SVEP1: variants seen among roughly 807,000 people sequenced by gnomAD.
The protein encoded by SVEP1 is sushi, von Willebrand factor type A, EGF and pentraxin domain-containing protein 1.
SVEP1 carries 164 observed loss-of-function variants against 367.3 expected under a neutral mutation model. That is an observed-to-expected ratio of 0.45 (90% CI 0.39 to 0.51). The LOEUF is 0.51. SVEP1 is among the 20% of genes least tolerant of loss of function. The pLI is 0.00. For synonymous variants in SVEP1, 1,666 were observed against 1,611.6 expected (o/e 1.03, Z -0.81); for missense variants, 4,117 against 4,425.3 (o/e 0.93, Z 1.98).
intron 3 of SVEP1, among the ~76,000 whole-genome samples, chr9:110,528,156 G>GTGTGTGTATATA: frequency 0.031 from 1,044 of 33,894 alleles, 51 homozygotes; most frequent in Non-Finnish European, 0.042. Context: ...GTGTGTGTGT[G>GTGTGTGTATATA]TATATATATA....
chr9:110,369,826 T>TCAAACTAGA, intron 47 of SVEP1, 97 bp downstream of exon 47: 2 of 974,158 alleles, frequency 2.1e-6, no homozygotes, highest in South Asian at 3.6e-5. Context: ...ATACTTACAG[T>TCAAACTAGA]CAAACTAGAC....
intron 1 of SVEP1, among the ~76,000 whole-genome samples, chr9:110,554,139 T>C (rs1830325727): frequency 6.6e-6 from 1 of 152,154 alleles, no homozygotes; most frequent in African/African-American, 2.4e-5. Context: ...ATTCTTGGCC[T>C]ACACCACCCG....
intron 40 of SVEP1, among the ~76,000 whole-genome samples, chr9:110,395,868 C>T (rs1404147831): frequency 6.6e-6 from 1 of 152,032 alleles, no homozygotes; most frequent in African/African-American, 2.4e-5. Flanking sequence ...CCTTAGTGAC[C>T]TACAAAGAGA....
chr9:110,466,083 G>A (rs1828933009), intron 17 of SVEP1, 57 bp from the exon 18 acceptor site: 2 of 1,548,842 alleles, frequency 1.3e-6, no homozygotes, highest in Non-Finnish European at 1.8e-6. Flanking sequence ...CATAAAATTA[G>A]TACTGTGCGG....
intron 36 of SVEP1, among the ~76,000 whole-genome samples, chr9:110,426,350 A>C (rs973699371): frequency 6.6e-6 from 1 of 152,350 alleles, no homozygotes; most frequent in South Asian, 2.1e-4. Context: ...AATCATCATA[A>C]TAATGGCTAA....
intron 18 of SVEP1, among the ~76,000 whole-genome samples, chr9:110,462,756 C>T (rs1828877110): frequency 1.3e-5 from 2 of 151,184 alleles, no homozygotes; most frequent in African/African-American, 4.9e-5. Flanking sequence ...TCTAAGTATG[C>T]CAAAATGATA....
At chr9:110,378,553 G>C (rs113428088) in intron 44 of SVEP1, among the ~76,000 whole-genome samples, 3 of 152,242 alleles carry the variant, frequency 2.0e-5, no homozygotes, top group African/African-American at 7.2e-5. Flanking sequence ...TAGGTTGCCT[G>C]TTCACTCTGA....
chr9:110,491,618 C>G (rs192250364), intron 8 of SVEP1, among the ~76,000 whole-genome samples: 3,908 of 97,886 alleles, frequency 0.04, 167 homozygotes, highest in African/African-American at 0.16. Flanking sequence ...TGTGTGTGTG[C>G]AAATTTATCT....
chr9:110,383,529 G>C (rs1333858731), intron 43 of SVEP1, among the ~76,000 whole-genome samples: 3 of 56,784 alleles, frequency 5.3e-5, no homozygotes, highest in Non-Finnish European at 1.1e-4. Flanking sequence ...CCCCTGTTGT[G>C]GGGGGGTCTC....
At position 110,406,111 on chromosome 9, in the gene SVEP1, T is replaced by G. The variant is rs780293574; in HGVS notation, c.9440+49A>C. 5.3e-6 allele frequency: 8 copies of G among 1,503,192 alleles called. No homozygotes were observed. The Admixed American group carries it at 1.9e-4, about 35-fold the overall frequency. 93.1% of individuals were successfully genotyped at this position (1,503,192 alleles called of 1,614,324 possible). The stretch of plus-strand genomic sequence containing the variant: ...AAATTTTTGATCGATCACATTTCAT[T>G]TCATAATCCTGCCCGCACCCCTTGG... On this transcript the variant is annotated intron_variant, in intron 38 of 47. Transcript: ENST00000374469.
At chr9:110,578,274 A>T (rs7855189) in intron 1 of SVEP1, among the ~76,000 whole-genome samples, 42,838 of 152,082 alleles carry the variant, frequency 0.28, 7,256 homozygotes, top group East Asian at 0.57. Context: ...GCTACAAAAC[A>T]GCAAGATATT....
rs376269972 is a variant in SVEP1, at chr9:110,406,787, T to A, written c.8813A>T (p.Asp2938Val). Residue 2938 changes from aspartate (D) to valine (V), a missense_variant, in exon 38 of 48, where the codon GAT becomes GTT. Asp to Val is a radical substitution (Grantham distance 152). Transcript: ENST00000374469. ...KLTCQSDGNW[D>V]AEIPLCKPVN... is the part of the protein sequence containing the mutation. ...TGGTTTACAGAGAGGAATCTCTGCA[T>A]CCCAGTTGCCATCTGACTGACAGGT... The A allele has an allele frequency of 6.2e-7, 1 of 1,614,054 alleles. No individual in the cohort carries two copies. The highest frequency in any genetic ancestry group is 1.1e-5 in the South Asian group (1 of 91,084).
At chr9:110,430,530 A>G in intron 32 of SVEP1, 80 bp from the exon 33 acceptor site, 1 of 1,420,306 alleles carries the variant, frequency 7.0e-7, no homozygotes, top group Non-Finnish European at 9.4e-7. Context: ...GAATTCCACT[A>G]TAGTTAAGAA....
intron 9 of SVEP1, among the ~76,000 whole-genome samples, chr9:110,485,483 C>T (rs922476852): frequency 6.6e-6 from 1 of 152,062 alleles, no homozygotes; most frequent in Admixed American, 6.5e-5. Context: ...TCATGCAGGG[C>T]TCAATACCTA....
chr9:110,474,789 C>T (rs566598789), intron 14 of SVEP1, among the ~76,000 whole-genome samples: 2 of 152,108 alleles, frequency 1.3e-5, no homozygotes, highest in African/African-American at 4.8e-5. Flanking sequence ...AACCCAAAAT[C>T]TACCAATAGG....
Position 110,546,302 on chromosome 9 carries a change from C to A in SVEP1, c.788-11G>T, listed in dbSNP as rs1432003666. 1 of 1,574,992 alleles carries A rather than the reference C, an allele frequency of 6.3e-7. No individual in the cohort carries two copies. The highest frequency in any genetic ancestry group is 8.6e-7 in the Non-Finnish European group (1 of 1,158,694). On this transcript the variant is annotated splice_polypyrimidine_tract_variant and intron_variant, in intron 2 of 47. Transcript: ENST00000374469. Reference sequence around the variant, plus strand: ...TCCCAGAAGGTAGATCTACAAATAACATATGACAGAGGGCGATAAAAATGA... The same window carrying A: ...TCCCAGAAGGTAGATCTACAAATAAAATATGACAGAGGGCGATAAAAATGA...
Position 110,483,598 on chromosome 9 carries a change from A to G in SVEP1, c.2026T>C (p.Ser676Pro), listed in dbSNP as rs1829231851. 6.2e-7 allele frequency: 1 copy of G among 1,611,478 alleles called. No individual in the cohort carries two copies. The highest frequency in any genetic ancestry group is 1.7e-5 in the Admixed American group (1 of 59,594). The change falls in exon 10 of 48, where the codon TCA (serine) becomes CCA (proline). Residue 676 changes from serine to proline, a missense_variant. This residue lies in a region of SVEP1 where 2,174 missense variants were observed against 2,494.3 expected (regional missense o/e 0.87). Coordinates refer to ENST00000374469, the MANE Select transcript of SVEP1 (RefSeq NM_153366.4). ...CTTGTCACCTCACCTGAGTTGTCTG[A>G]GAACTGAGGCTCATCCCAGCTTGCG... ...HAASWDEPQF[S>P]DNSGAELVIT...
intron 38 of SVEP1, 141 bp from the exon 39 acceptor site, chr9:110,404,693 CG>C (rs1827928807): frequency 1.3e-6 from 1 of 791,526 alleles, no homozygotes; most frequent in African/African-American, 1.7e-5. Flanking sequence ...ATATGTCAGG[CG>C]GATGGCATTG....
chr9:110,465,924 G>A lies in SVEP1; in HGVS notation c.3263C>T (p.Ser1088Leu), dbSNP rs750881804. 17 of 1,612,922 alleles carry A rather than the reference G, an allele frequency of 1.1e-5. No homozygotes were observed. Among genetic ancestry groups the A allele is most frequent in the Admixed American group, 5.0e-5 (3 of 59,902 alleles). Reference sequence around the variant, plus strand: ...CACAGTTGAGGTGTTTTCTGGACACGAGAGGCAGCTCCGGGAACCAAATTT... The same window carrying A: ...CACAGTTGAGGTGTTTTCTGGACACAAGAGGCAGCTCCGGGAACCAAATTT... ...QPKFGSRSCL[S>L]CPENTSTVKR... The change falls in exon 18 of 48, where the codon TCG becomes TTG. Residue 1088 changes from serine (S) to leucine (L), a missense_variant. By Grantham distance (145) the Ser-to-Leu change is moderately radical. This residue lies in a region of SVEP1 where 2,174 missense variants were observed against 2,494.3 expected (regional missense o/e 0.87). Transcript: ENST00000374469.
Sources: gnomAD v4.1 joint callset for allele counts (sites outside exome capture counted in the v4.1 genomes callset) on GRCh38, gnomAD v4.1.1 for gene constraint, gnomAD v4.1.1 regional missense constraint, MANE v1.5 for transcripts, NCBI Gene and HGNC (gene_info 2026-07-23, HGNC 2026-07-21) for gene names.